Variants in SCUBE1 observed in about 807,000 individuals in gnomAD.
SCUBE1 encodes signal peptide, CUB and EGF-like domain-containing protein 1.
In SCUBE1, 59 loss-of-function variants were observed where a neutral mutation model predicts 124.4. That is an observed-to-expected ratio of 0.47 (90% CI 0.38 to 0.59). The LOEUF is 0.59. SCUBE1 is among the 20% of genes least tolerant of loss of function. The pLI is 0.00. For synonymous variants in SCUBE1, 545 were observed against 550.9 expected (o/e 0.99, Z 0.15); for missense variants, 1,150 against 1,371.2 (o/e 0.84, Z 2.55).
At chr22:43,330,571 G>A (rs1403130782) in intron 2 of SCUBE1, among the ~76,000 whole-genome samples, 1 of 152,252 alleles carries the variant, frequency 6.6e-6, no homozygotes, top group Non-Finnish European at 1.5e-5. Context: ...GCTTGACACA[G>A]AGTAGGTGCT....
chr22:43,283,042 C>T (rs1924987734), intron 4 of SCUBE1: 1 of 152,486 alleles, frequency 6.6e-6, no homozygotes, highest in Non-Finnish European at 1.5e-5. Flanking sequence ...TGGCTCCAGC[C>T]CTGAGCTCAG....
At chr22:43,204,331 T>G (rs41277517) in intron 21 of SCUBE1, among the ~76,000 whole-genome samples, 182 bp from the exon 22 acceptor site, 8,909 of 152,028 alleles carry the variant, frequency 0.059, 382 homozygotes, top group South Asian at 0.18. Context: ...GAGACAGTCT[T>G]GCCCTGTCAC....
At chr22:43,205,794 C>T (rs1392083899) in intron 21 of SCUBE1, among the ~76,000 whole-genome samples, 5 of 99,364 alleles carry the variant, frequency 5.0e-5, no homozygotes, top group African/African-American at 1.5e-4. Flanking sequence ...CACTCACCCC[C>T]ACACACACCA....
chr22:43,240,720 C>T (rs1046325308), intron 6 of SCUBE1, among the ~76,000 whole-genome samples: 2 of 152,200 alleles, frequency 1.3e-5, no homozygotes, highest in Admixed American at 6.5e-5. Context: ...TTAGTTTCCT[C>T]CCTGGGCTGA....
intron 2 of SCUBE1, among the ~76,000 whole-genome samples, chr22:43,336,706 C>A (rs1008446470): frequency 1.3e-5 from 2 of 152,106 alleles, no homozygotes; most frequent in African/African-American, 4.8e-5. Flanking sequence ...AGCCCAGAAG[C>A]CTCTGGGAGC....
chr22:43,223,512 G>A (rs1922185917), intron 10 of SCUBE1, among the ~76,000 whole-genome samples: 1 of 152,182 alleles, frequency 6.6e-6, no homozygotes, highest in Admixed American at 6.5e-5. Flanking sequence ...GCTCTCCAGG[G>A]CAGGCGTCCA....
intron 3 of SCUBE1, among the ~76,000 whole-genome samples, chr22:43,307,155 A>G (rs61330586): frequency 0.011 from 1,694 of 152,336 alleles, 33 homozygotes; most frequent in African/African-American, 0.039. Context: ...CAAGGAAGGA[A>G]GAGAGATCTC....
rs1006053826 is a variant in SCUBE1 at position 43,200,198 on chromosome 22, T to G, written c.*3799A>C. 1.3e-5 allele frequency: 2 copies of G among 152,262 alleles called. No individual in the cohort carries two copies. Among genetic ancestry groups the G allele is most frequent in the Non-Finnish European group, 2.9e-5 (2 of 68,094 alleles). The allele number at this position is 152,262 out of a possible 1,614,324, so 9.4% of individuals were successfully genotyped here. A position where few individuals can be genotyped will look rare whatever the true frequency, so the allele number is the denominator to read the frequency against. On this transcript the variant is annotated 3_prime_UTR_variant, in exon 22 of 22. Coordinates refer to ENST00000360835, the MANE Select transcript of SCUBE1 (RefSeq NM_173050.5). Reference sequence around the variant, plus strand: ...GGAGCCTGGAGACCGGGCAGGCGCCTCCGTCCCGGCCAGATGGCAGTGCAG... The same window carrying G: ...GGAGCCTGGAGACCGGGCAGGCGCCGCCGTCCCGGCCAGATGGCAGTGCAG...
At chr22:43,218,159 G>A in intron 15 of SCUBE1, 96 bp downstream of exon 15, 1 of 1,171,220 alleles carries the variant, frequency 8.5e-7, no homozygotes, top group African/African-American at 1.5e-5. Flanking sequence ...CCCTCCCCAG[G>A]TGTCTGTCTC....
chr22:43,311,800 G>A lies in SCUBE1; in HGVS notation c.349+8137C>T, dbSNP rs190721257. Among the ~76,000 whole-genome samples the A allele has an allele frequency of 1.9e-3, 289 of 152,140 alleles. 1 individual carries two copies. Among genetic ancestry groups the A allele is most frequent in the African/African-American group, 6.6e-3 (275 of 41,492 alleles). Reference sequence around the variant, plus strand: ...TTCCTCATGGACCTAAGAGCCCTGCGAGAGATATCTCATCTAATTAATCTT... The same window carrying A: ...TTCCTCATGGACCTAAGAGCCCTGCAAGAGATATCTCATCTAATTAATCTT... On this transcript the variant is annotated intron_variant, in intron 3 of 21. Transcript: ENST00000360835.
In SCUBE1 at chr22:43,218,310, C is replaced by T. The variant is rs9620123; in HGVS notation, c.1836G>A (p.Ala612=). ...EYEVAQRPAK[A]LEGQGACGAG... is the part of the protein sequence containing the mutation. The stretch of plus-strand genomic sequence containing the variant: ...CGCCACATGCCCCCTGCCCCTCCAG[C>T]GCCTTGGCTGGCCTCTGGGCTACCT... The change falls in exon 15 of 22, where the codon GCG becomes GCA. Residue 612 remains alanine, a synonymous_variant. Transcript: ENST00000360835. The T allele has an allele frequency of 1.6e-5, 26 of 1,613,136 alleles. No homozygotes were observed. Among genetic ancestry groups the T allele is most frequent in the South Asian group, 5.5e-5 (5 of 91,092 alleles).
At chr22:43,277,465 A>C (rs7291800) in intron 4 of SCUBE1, among the ~76,000 whole-genome samples, 15,445 of 152,180 alleles carry the variant, frequency 0.1, 1,034 homozygotes, top group African/African-American at 0.17. Flanking sequence ...CAGCATGGCG[A>C]GACAGGGGCT....
At chr22:43,250,355 A>G (rs561536855) in intron 6 of SCUBE1, among the ~76,000 whole-genome samples, 1 of 152,292 alleles carries the variant, frequency 6.6e-6, no homozygotes, top group South Asian at 2.1e-4. Context: ...GGGAAAACTT[A>G]TGAAGATGGC....
intron 2 of SCUBE1, among the ~76,000 whole-genome samples, chr22:43,327,772 G>GCAAGAC (rs1926774761): frequency 6.6e-6 from 1 of 152,130 alleles, no homozygotes; most frequent in African/African-American, 2.4e-5. Context: ...GGGCGACAGA[G>GCAAGAC]CAAGACTCTG....
Position 43,210,996 on chromosome 22 carries a change from T to C in SCUBE1, c.2309A>G (p.Gln770Arg), listed in dbSNP as rs755662988. The C allele has an allele frequency of 8.1e-6, 13 of 1,614,036 alleles. No homozygotes were observed. The highest frequency in any genetic ancestry group is 2.2e-5 in the East Asian group (1 of 44,894). Residue 770 changes from glutamine (Q) to arginine (R), a missense_variant, in exon 18 of 22, where the codon CAG becomes CGG. Physicochemically the swap from Gln to Arg is conservative, Grantham distance 43. This residue lies in a region of SCUBE1 where 757 missense variants were observed against 840.9 expected (regional missense o/e 0.90). Coordinates refer to ENST00000360835, the MANE Select transcript of SCUBE1 (RefSeq NM_173050.5). This position sits in a 1 kb window ranked among gnomAD's most constrained non-coding sequence, Gnocchi z 4.5. ...PVGTYQPEFG[Q>R]NHCITCPGNT... The stretch of plus-strand genomic sequence containing the variant: ...GCCCGGACAGGTGATGCAGTGGTTC[T>C]GGCCAAACTCGGGCTGGTAGGTGCC...
At chr22:43,311,102 T>A (rs966277859) in intron 3 of SCUBE1, among the ~76,000 whole-genome samples, 8 of 152,240 alleles carry the variant, frequency 5.3e-5, no homozygotes, top group Admixed American at 3.3e-4. Context: ...AGGTGGTTTC[T>A]TATGCAGCAA....
intron 3 of SCUBE1, among the ~76,000 whole-genome samples, chr22:43,300,134 G>A (rs1471133471): frequency 6.6e-6 from 1 of 152,150 alleles, no homozygotes; most frequent in East Asian, 1.9e-4. Flanking sequence ...CTCCTGGGTG[G>A]ATACCTGGGG....
At chr22:43,215,175 G>A (rs769021663) in intron 15 of SCUBE1, among the ~76,000 whole-genome samples, 1 of 152,254 alleles carries the variant, frequency 6.6e-6, no homozygotes, top group Admixed American at 6.5e-5. Flanking sequence ...GGGATGGAGA[G>A]TGTCAGTTGG....
chr22:43,238,705 T>C (rs765081855), intron 7 of SCUBE1, 133 bp downstream of exon 7: 2 of 784,928 alleles, frequency 2.5e-6, no homozygotes, highest in Non-Finnish European at 4.6e-6. Flanking sequence ...AAGCAAATGA[T>C]TGCCACGTGT....
Sources: allele counts gnomAD v4.1 joint callset (sites outside exome capture counted in the v4.1 genomes callset), GRCh38; gene constraint gnomAD v4.1.1; regional missense constraint gnomAD v4.1.1; non-coding constraint Gnocchi (gnomAD v3.1); transcripts MANE v1.5; gene names NCBI Gene and HGNC (gene_info 2026-07-23, HGNC 2026-07-21).